The following TRHDE variants were observed in gnomAD, a reference collection of about 807,000 sequenced individuals.
TRHDE encodes the protein thyrotropin-releasing hormone-degrading ectoenzyme.
Under a neutral mutation model 125.7 loss-of-function variants are expected in TRHDE, and 72 were observed. That is an observed-to-expected ratio of 0.57 (90% CI 0.47 to 0.70). The LOEUF is 0.70. TRHDE is among the 30% of genes least tolerant of loss of function. The probability of loss-of-function intolerance (pLI) is 0.00; values close to 1 mark genes in which losing one functional copy is unlikely to be tolerated. For synonymous variants in TRHDE, 509 were observed against 509.1 expected (o/e 1.00, Z 0.00); for missense variants, 1,110 against 1,327.1 (o/e 0.84, Z 2.54).
intron 2 of TRHDE, among the ~76,000 whole-genome samples, chr12:72,264,903 T>C (rs577119792): frequency 7.0e-6 from 1 of 142,714 alleles, no homozygotes; most frequent in African/African-American, 2.7e-5. Context: ...TTTAGGTTCA[T>C]TGTTTTTTTT....
chr12:72,609,656 G>A (rs924829143), intron 12 of TRHDE, among the ~76,000 whole-genome samples: 1 of 152,068 alleles, frequency 6.6e-6, no homozygotes, highest in Non-Finnish European at 1.5e-5. Context: ...GTATAATATA[G>A]AAAAGGCAAA....
chr12:72,134,895 C>T (rs1163816523), intron 2 of TRHDE, among the ~76,000 whole-genome samples: 1 of 152,030 alleles, frequency 6.6e-6, no homozygotes, highest in East Asian at 1.9e-4. Flanking sequence ...TGACTAATAG[C>T]TATTGTGATA....
chr12:72,187,671 C>A (rs1393822860), intron 2 of TRHDE, among the ~76,000 whole-genome samples: 2 of 152,116 alleles, frequency 1.3e-5, no homozygotes, highest in Non-Finnish European at 2.9e-5. Flanking sequence ...TATACTGATG[C>A]AAATGTTCAT....
intron 6 of TRHDE, among the ~76,000 whole-genome samples, chr12:72,503,000 A>T (rs1435862584): frequency 6.6e-6 from 1 of 152,176 alleles, no homozygotes; most frequent in Admixed American, 6.5e-5. Context: ...TCTTCCTATA[A>T]GAAAACTAGT....
At chr12:72,646,426 GA>G (rs965523771) in intron 15 of TRHDE, among the ~76,000 whole-genome samples, 1 of 151,618 alleles carries the variant, frequency 6.6e-6, no homozygotes, top group African/African-American at 2.4e-5. Flanking sequence ...AAAAAGACAG[GA>G]AAAAAATGAG....
At chr12:72,483,356 CTGTGTG>C (rs1478303062) in intron 5 of TRHDE, among the ~76,000 whole-genome samples, 1 of 151,994 alleles carries the variant, frequency 6.6e-6, no homozygotes, top group Non-Finnish European at 1.5e-5. Context: ...TACTTAATAG[CTGTGTG>C]ATCTTGTTTA....
intron 2 of TRHDE, among the ~76,000 whole-genome samples, chr12:72,355,862 C>T (rs1042858363): frequency 1.3e-5 from 2 of 151,790 alleles, no homozygotes; most frequent in Non-Finnish European, 2.9e-5. Context: ...AACCATCTCA[C>T]ACCAGCCAGA....
At chr12:72,131,550 T>G (rs967552739) in intron 2 of TRHDE, among the ~76,000 whole-genome samples, 3 of 152,216 alleles carry the variant, frequency 2.0e-5, no homozygotes, top group Admixed American at 2.0e-4. Flanking sequence ...TCACATGAGC[T>G]TTCATAAGAG....
chr12:72,488,879 TAAAC>T (rs1215694464), intron 5 of TRHDE, among the ~76,000 whole-genome samples: 1 of 151,754 alleles, frequency 6.6e-6, no homozygotes, highest in East Asian at 1.9e-4. Context: ...ATGTGGAAAT[TAAAC>T]AACATGCTTC....
At chr12:72,492,529 A>G (rs772301959) in intron 5 of TRHDE, among the ~76,000 whole-genome samples, 1 of 151,918 alleles carries the variant, frequency 6.6e-6, no homozygotes, top group Non-Finnish European at 1.5e-5. Flanking sequence ...TTTCACATGG[A>G]TTAAAATCTG....
At chr12:72,538,547 A>C (rs1195710824) in intron 6 of TRHDE, among the ~76,000 whole-genome samples, 2 of 151,986 alleles carry the variant, frequency 1.3e-5, no homozygotes, top group Non-Finnish European at 1.5e-5. Context: ...TTCTCTTGGC[A>C]GACTCTCCCA....
intron 2 of TRHDE, among the ~76,000 whole-genome samples, chr12:72,173,740 T>A (rs948792098): frequency 2.6e-5 from 4 of 152,152 alleles, no homozygotes; most frequent in African/African-American, 9.7e-5. Flanking sequence ...GATTGAGCAG[T>A]TGTTATCATT....
chr12:72,244,589 G>C (rs1471211039), intron 2 of TRHDE, among the ~76,000 whole-genome samples: 5 of 151,830 alleles, frequency 3.3e-5, no homozygotes, highest in Admixed American at 3.3e-4. Context: ...AAAAATTTTA[G>C]TGATAATTCA....
At chr12:72,130,721 G>A (rs1196311346) in intron 2 of TRHDE, among the ~76,000 whole-genome samples, 3 of 152,122 alleles carry the variant, frequency 2.0e-5, no homozygotes, top group Non-Finnish European at 2.9e-5. Context: ...CAAAAAATGC[G>A]ATAGAAAAAT....
intron 2 of TRHDE, among the ~76,000 whole-genome samples, chr12:72,238,323 CATATATATATACACATTATATATATATAT>C (rs1565669975): frequency 4.4e-4 from 6 of 13,668 alleles, no homozygotes; most frequent in South Asian, 3.5e-3. Context: ...TATATATATA[CATATATATATACACATTATATATATATAT>C]ATATATATAT....
intron 3 of TRHDE, among the ~76,000 whole-genome samples, chr12:72,434,828 C>T (rs1874666395): frequency 6.6e-6 from 1 of 152,180 alleles, no homozygotes; most frequent in Non-Finnish European, 1.5e-5. Context: ...GGGAACTAAT[C>T]TCACTACTTG....
chr12:72,279,861 G>A (rs1657905203), intron 1 of TRHDE, among the ~76,000 whole-genome samples: 1 of 152,284 alleles, frequency 6.6e-6, no homozygotes, highest in South Asian at 2.1e-4. Flanking sequence ...TGTGTGTGCT[G>A]CAGGATGAAG....
intron 2 of TRHDE, among the ~76,000 whole-genome samples, chr12:72,205,367 T>C (rs1877643912): frequency 6.6e-6 from 1 of 151,980 alleles, no homozygotes; most frequent in Non-Finnish European, 1.5e-5. Flanking sequence ...TTTATCATGC[T>C]AAAAAACATA....
intron 2 of TRHDE, among the ~76,000 whole-genome samples, chr12:72,331,200 C>T (rs192125015): frequency 2.8e-4 from 43 of 152,154 alleles, no homozygotes; most frequent in African/African-American, 1.0e-3. Context: ...AAAGACTTAC[C>T]CAAAGACATA....
Sources: gnomAD v4.1 joint callset for allele counts (sites outside exome capture counted in the v4.1 genomes callset) on GRCh38, gnomAD v4.1.1 for gene constraint, MANE v1.5 for transcripts, NCBI Gene and HGNC (gene_info 2026-07-23, HGNC 2026-07-21) for gene names.